Variants in TNS3 observed in about 807,000 individuals in gnomAD.
TNS3 encodes tensin-3.
In TNS3, 45 loss-of-function variants were observed where a neutral mutation model predicts 140.9. The observed-to-expected ratio is 0.32, with a 90% CI of 0.25 to 0.41. The LOEUF is 0.41. Ranked by LOEUF, TNS3 falls within the 10% of genes least tolerant of loss-of-function variation. The pLI is 1.00. For synonymous variants in TNS3, 815 were observed against 788.4 expected, an observed-to-expected ratio of 1.03 and a Z score of -0.56; for missense variants, 1,716 against 1,906.7, an observed-to-expected ratio of 0.90 and a Z score of 1.86.
intron 20 of TNS3, among the ~76,000 whole-genome samples, chr7:47,330,909 G>C (rs1372959599): frequency 6.6e-6 from 1 of 152,224 alleles, no homozygotes; most frequent in South Asian, 2.1e-4. Flanking sequence ...CCAGCCTCAC[G>C]GGTCCTACAG....
chr7:47,318,012 A>G (rs1335785820), intron 20 of TNS3, among the ~76,000 whole-genome samples: 1 of 152,228 alleles, frequency 6.6e-6, no homozygotes, highest in Non-Finnish European at 1.5e-5. Flanking sequence ...CATCAAGTAC[A>G]TTCACTTTTT....
At chr7:47,380,910 G>A (rs1426559029) in intron 16 of TNS3, among the ~76,000 whole-genome samples, 3 of 152,194 alleles carry the variant, frequency 2.0e-5, no homozygotes, top group Admixed American at 2.0e-4. Context: ...AGGAGGGCGG[G>A]GGCGTGCCAC....
intron 20 of TNS3, among the ~76,000 whole-genome samples, chr7:47,321,820 C>A (rs989974879): frequency 1.3e-5 from 2 of 152,124 alleles, no homozygotes; most frequent in Admixed American, 6.5e-5. Context: ...TTTTCTTCCC[C>A]CAAAGACCAT....
chr7:47,362,970 CATTT>C (rs1202888484), intron 17 of TNS3, among the ~76,000 whole-genome samples: 1 of 1,282 alleles, frequency 7.8e-4, no homozygotes, highest in South Asian at 0.014. Context: ...TCATCAGAGT[CATTT>C]ACCATCACCA....
At chr7:47,461,079 G>A (rs1010606794) in intron 4 of TNS3, among the ~76,000 whole-genome samples, 1 of 152,148 alleles carries the variant, frequency 6.6e-6, no homozygotes, top group South Asian at 2.1e-4. Flanking sequence ...GAAAAAAAAC[G>A]GGAAAGAGCA....
At chr7:47,559,323 C>T (rs988683128) in intron 1 of TNS3, among the ~76,000 whole-genome samples, 2 of 152,126 alleles carry the variant, frequency 1.3e-5, no homozygotes, top group Non-Finnish European at 2.9e-5. Flanking sequence ...GCACTCACAC[C>T]TGGGCAACAA....
In TNS3 at chr7:47,411,818, G is replaced by A; in HGVS notation, c.648-16C>T. The stretch of plus-strand genomic sequence containing the variant: ...GCCAACGTTGCTTTGGGATGAAGAA[G>A]AAGGTAGATCATTATGCAACTTCAT... On this transcript the variant is annotated splice_polypyrimidine_tract_variant and intron_variant, in intron 12 of 30. Transcript: ENST00000311160. 3.1e-6 allele frequency: 5 copies of A among 1,611,642 alleles called. No individual in the cohort carries two copies. The highest frequency in any genetic ancestry group is 4.2e-6 in the Non-Finnish European group (5 of 1,178,722).
chr7:47,344,102 C>T (rs986321739), intron 20 of TNS3, among the ~76,000 whole-genome samples: 2 of 152,232 alleles, frequency 1.3e-5, no homozygotes, highest in South Asian at 2.1e-4. Context: ...GAAATGTGCA[C>T]GAGCTTTAGG....
At chr7:47,474,631 C>A (rs1797104830) in intron 4 of TNS3, among the ~76,000 whole-genome samples, 1 of 148,094 alleles carries the variant, frequency 6.8e-6, no homozygotes, top group South Asian at 2.2e-4. Flanking sequence ...CAACACTTCA[C>A]ACACAACACA....
intron 9 of TNS3, among the ~76,000 whole-genome samples, chr7:47,427,842 A>T (rs1260564288): frequency 6.6e-6 from 1 of 152,190 alleles, no homozygotes; most frequent in East Asian, 1.9e-4. Context: ...TGCCTCGTGG[A>T]TTAGTTAGGA....
intron 1 of TNS3, among the ~76,000 whole-genome samples, chr7:47,577,014 G>A (rs1800690653): frequency 6.6e-6 from 1 of 152,196 alleles, no homozygotes; most frequent in East Asian, 1.9e-4. Flanking sequence ...TACTTTTCAG[G>A]AGCAGTTTCA....
chr7:47,439,365 G>A, intron 6 of TNS3, 122 bp downstream of exon 6: 2 of 1,115,660 alleles, frequency 1.8e-6, no homozygotes, highest in Admixed American at 2.5e-5. Flanking sequence ...ACGGACAGCT[G>A]TGTGAGCCCA....
chr7:47,463,681 T>C (rs1796583630), intron 4 of TNS3, among the ~76,000 whole-genome samples: 1 of 152,070 alleles, frequency 6.6e-6, no homozygotes, highest in Non-Finnish European at 1.5e-5. Flanking sequence ...AAAGGATGCC[T>C]GTCTGCAGTA....
At chr7:47,376,908 T>A (rs73326544) in intron 16 of TNS3, among the ~76,000 whole-genome samples, 5,287 of 152,300 alleles carry the variant, frequency 0.035, 323 homozygotes, top group African/African-American at 0.12. Flanking sequence ...TTCTTAAAGC[T>A]AGTGCATTTC....
intron 4 of TNS3, among the ~76,000 whole-genome samples, chr7:47,470,227 G>C (rs895531194): frequency 1.3e-5 from 2 of 152,168 alleles, no homozygotes; most frequent in African/African-American, 2.4e-5. Context: ...GAGAGTGGGA[G>C]AGGGACGTGA....
chr7:47,462,517 A>T (rs1330773211), intron 4 of TNS3, among the ~76,000 whole-genome samples: 1 of 152,214 alleles, frequency 6.6e-6, no homozygotes. Context: ...TGTTGGCTAA[A>T]TCAGTGTTTG....
At chr7:47,377,710 C>CCCTCCCCCCTTTCCTCCTCCTTCT (rs1791483321) in intron 16 of TNS3, among the ~76,000 whole-genome samples, 1 of 113,862 alleles carries the variant, frequency 8.8e-6, no homozygotes. Context: ...CTCTTTTTCC[C>CCCTCCCCCCTTTCCTCCTCCTTCT]CCTCCTCCCT....
At chr7:47,363,305 TCATCAC>T (rs1366044953) in intron 17 of TNS3, among the ~76,000 whole-genome samples, 345 of 152,106 alleles carry the variant, frequency 2.3e-3, no homozygotes, top group Admixed American at 4.4e-3. Context: ...ATCACCATCA[TCATCAC>T]CATCACCATC....
At chr7:47,393,072 A>C (rs2470996) in intron 16 of TNS3, among the ~76,000 whole-genome samples, 102,876 of 152,036 alleles carry the variant, frequency 0.68, 34,995 homozygotes, top group East Asian at 0.83. Flanking sequence ...CACAGATGCT[A>C]AAGGAGGTGG....
Sources: allele counts gnomAD v4.1 joint callset (sites outside exome capture counted in the v4.1 genomes callset), GRCh38; gene constraint gnomAD v4.1.1; transcripts MANE v1.5; gene names NCBI Gene and HGNC (gene_info 2026-07-23, HGNC 2026-07-21).